DACH2: variants seen among roughly 807,000 people sequenced by gnomAD.
DACH2 encodes the protein dachshund family transcription factor 2, also known as dachshund homolog 2.
DACH2 carries 17 observed loss-of-function variants against 35.8 expected under a neutral mutation model. That is an observed-to-expected ratio of 0.48 (90% CI 0.33 to 0.71). The LOEUF is 0.71. Ranked by LOEUF, DACH2 falls within the 30% of genes least tolerant of loss-of-function variation. The pLI, the probability that DACH2 is intolerant of heterozygous loss-of-function variation, is 0.02. For missense variants in DACH2, 469 were observed against 472.7 expected (o/e 0.99, Z 0.07); for synonymous variants, 195 against 177.3 (o/e 1.10, Z -0.79).
In DACH2 at chrX:86,825,995, C is replaced by T. The variant is rs141771506; in HGVS notation, c.1751-6111C>T. 9.4e-3 allele frequency among the ~76,000 whole-genome samples: 1,045 copies of T among 111,562 alleles called. 5 individuals are homozygous for T. Among genetic ancestry groups the T allele is most frequent in the African/African-American group, 0.032 (970 of 30,730 alleles). On this transcript the variant is annotated intron_variant, in intron 11 of 11. Transcript: ENST00000373125. ...GATACATACTATCTGATAAGTATGG[C>T]GAGTACAAGATATCATTATTACTGT...
intron 2 of DACH2, among the ~76,000 whole-genome samples, chrX:86,436,771 T>C (rs2037074762): frequency 1.8e-5 from 2 of 111,420 alleles, no homozygotes; most frequent in African/African-American, 3.3e-5. Context: ...CTGGGCCTCA[T>C]GCTTTTTATT....
chrX:86,349,869 A>G (rs1032643134), intron 1 of DACH2, among the ~76,000 whole-genome samples: 1 of 111,737 alleles, frequency 8.9e-6, no homozygotes, highest in African/African-American at 3.3e-5. Flanking sequence ...ATTTATTTAC[A>G]CTACAGTTAG....
chrX:86,416,454 A>G (rs2036704646), intron 2 of DACH2, among the ~76,000 whole-genome samples: 1 of 112,126 alleles, frequency 8.9e-6, no homozygotes, highest in Admixed American at 9.4e-5. Flanking sequence ...GTGGGCACAC[A>G]CATTTATTAT....
In DACH2 at chrX:86,613,721, G is replaced by C. The variant is rs916915297; in HGVS notation, c.641-37315G>C. On this transcript the variant is annotated intron_variant, in intron 3 of 11. Transcript: ENST00000373125. ...AAGGTACTATCATTGATGCCTTCTT[G>C]CCAGATAGTATGATCTCTTGATTTT... 7.2e-5 allele frequency among the ~76,000 whole-genome samples: 8 copies of C among 111,277 alleles called. No individual in the cohort carries two copies. The East Asian group carries it at 2.3e-3, about 31-fold the overall frequency.
chrX:86,316,707 G>C (rs748627062), intron 1 of DACH2, among the ~76,000 whole-genome samples: 1 of 111,255 alleles, frequency 9.0e-6, no homozygotes, highest in African/African-American at 3.3e-5. Context: ...TCCTGAGGTC[G>C]ATCTCAGTGT....
At chrX:86,520,633 A>G (rs1384192424) in intron 3 of DACH2, among the ~76,000 whole-genome samples, 1 of 111,733 alleles carries the variant, frequency 8.9e-6, no homozygotes, top group Non-Finnish European at 1.9e-5. Context: ...TTCTTGCTGA[A>G]TTAAAGACTT....
chrX:86,732,606 T>C (rs1215298197), intron 6 of DACH2, among the ~76,000 whole-genome samples: 2 of 111,939 alleles, frequency 1.8e-5, no homozygotes, highest in Non-Finnish European at 3.8e-5. Flanking sequence ...TGTCTCAGAT[T>C]GCCTCATGGT....
At chrX:86,230,671 T>C (rs1010274083) in intron 1 of DACH2, among the ~76,000 whole-genome samples, 6 of 111,620 alleles carry the variant, frequency 5.4e-5, no homozygotes, top group African/African-American at 2.0e-4. Context: ...CTGCTTCTTA[T>C]TGGTCTGTTC....
intron 3 of DACH2, among the ~76,000 whole-genome samples, chrX:86,594,383 T>G: frequency 9.0e-6 from 1 of 111,664 alleles, no homozygotes; most frequent in Admixed American, 9.6e-5. Context: ...CTTATTTTGT[T>G]TTAATATGAT....
At chrX:86,665,087 C>T (rs933221177) in intron 4 of DACH2, among the ~76,000 whole-genome samples, 1 of 111,500 alleles carries the variant, frequency 9.0e-6, no homozygotes, top group Non-Finnish European at 1.9e-5. Flanking sequence ...TTTTCTTAAC[C>T]ATTTTGCCTT....
At chrX:86,536,967 C>T (rs2038810757) in intron 3 of DACH2, among the ~76,000 whole-genome samples, 1 of 111,255 alleles carries the variant, frequency 9.0e-6, no homozygotes, top group African/African-American at 3.3e-5. Context: ...GGCCTCACTC[C>T]CACAGTTCTG....
Position 86,395,341 on chromosome X carries a change from G to C in DACH2, c.527+18479G>C, listed in dbSNP as rs1461049431. Among the ~76,000 whole-genome samples the C allele has an allele frequency of 3.6e-5, 4 of 110,792 alleles. No homozygotes were observed. The East Asian group carries it at 1.1e-3, about 31-fold the overall frequency. On this transcript the variant is annotated intron_variant, in intron 2 of 11. Coordinates refer to ENST00000373125, the MANE Select transcript of DACH2 (RefSeq NM_053281.3). ...TTTAGTCATTTGGGATAAATTATGT[G>C]ATACAACAAACTATTTGTTATATAT...
At chrX:86,646,543 C>T (rs1477450038) in intron 3 of DACH2, among the ~76,000 whole-genome samples, 1 of 108,516 alleles carries the variant, frequency 9.2e-6, no homozygotes, top group Non-Finnish European at 1.9e-5. Flanking sequence ...GCAATGATTT[C>T]TTGGATATGA....
chrX:86,257,763 G>A (rs1374424691), intron 1 of DACH2, among the ~76,000 whole-genome samples: 6 of 112,216 alleles, frequency 5.3e-5, no homozygotes, highest in African/African-American at 1.9e-4. Context: ...CCTGATTATT[G>A]CAGTCTAATT....
At chrX:86,591,458 A>G (rs947334871) in intron 3 of DACH2, among the ~76,000 whole-genome samples, 3 of 111,172 alleles carry the variant, frequency 2.7e-5, no homozygotes, top group Admixed American at 9.6e-5. Flanking sequence ...TTTTTTAATA[A>G]CATAGGATGT....
intron 2 of DACH2, among the ~76,000 whole-genome samples, chrX:86,421,050 C>A (rs1409121512): frequency 1.8e-5 from 2 of 111,366 alleles, no homozygotes; most frequent in Non-Finnish European, 3.8e-5. Flanking sequence ...AAATATGTTT[C>A]TCTTCAAGAC....
intron 6 of DACH2, among the ~76,000 whole-genome samples, chrX:86,726,767 G>A (rs1335145922): frequency 2.7e-5 from 3 of 111,947 alleles, no homozygotes; most frequent in Non-Finnish European, 5.6e-5. Flanking sequence ...AGCCAAGATT[G>A]CTAAAGTCTG....
In DACH2 at chrX:86,337,098, T is replaced by G. The variant is rs2035325649; in HGVS notation, c.489-39726T>G. 2.7e-5 allele frequency among the ~76,000 whole-genome samples: 3 copies of G among 111,007 alleles called. No homozygotes were observed. The South Asian group carries it at 1.2e-3, about 43-fold the overall frequency. On this transcript the variant is annotated intron_variant, in intron 1 of 11. Transcript: ENST00000373125. Reference sequence around the variant, plus strand: ...TATGTGAAAAGATCAAATCTATGTTTGATTGGTGTACCTGAAAGTGACAGG... The same window carrying G: ...TATGTGAAAAGATCAAATCTATGTTGGATTGGTGTACCTGAAAGTGACAGG...
intron 3 of DACH2, among the ~76,000 whole-genome samples, chrX:86,586,616 A>G (rs79295401): frequency 1.8e-5 from 2 of 111,709 alleles, no homozygotes; most frequent in African/African-American, 3.2e-5. Flanking sequence ...GGTGAAGAAG[A>G]GGTCCAGTTT....
Sources: allele counts gnomAD v4.1 joint callset (sites outside exome capture counted in the v4.1 genomes callset), GRCh38; gene constraint gnomAD v4.1.1; transcripts MANE v1.5; gene names NCBI Gene and HGNC (gene_info 2026-07-23, HGNC 2026-07-21).